NTN1: variants seen among roughly 807,000 people sequenced by gnomAD.
NTN1 encodes netrin-1.
In NTN1, 11 loss-of-function variants were observed where a neutral mutation model predicts 54.2. The ratio of observed to expected loss-of-function variants is 0.20; its 90% confidence interval spans 0.13 to 0.34. The LOEUF (loss-of-function observed/expected upper bound fraction) is 0.34. Ranked by LOEUF, NTN1 falls within the 10% of genes least tolerant of loss-of-function variation. The pLI is 1.00. For synonymous variants in NTN1, 371 were observed against 382.0 expected (o/e 0.97, Z 0.33); for missense variants, 740 against 893.1 (o/e 0.83, Z 2.18).
intron 2 of NTN1, among the ~76,000 whole-genome samples, chr17:9,026,985 A>G (rs963596993): frequency 6.6e-6 from 1 of 152,142 alleles, no homozygotes; most frequent in Non-Finnish European, 1.5e-5. Flanking sequence ...TACCTGCAAC[A>G]TAATGCTTGT....
Position 9,154,110 on chromosome 17 carries a change from A to T in NTN1, c.1019-8703A>T, listed in dbSNP as rs1023735152. 1.5e-4 allele frequency among the ~76,000 whole-genome samples: 23 copies of T among 152,328 alleles called. 1 individual carries two copies. The highest frequency in any genetic ancestry group is 9.7e-4 in the East Asian group (5 of 5,172). ...CTCTGGCTGGTCACTGCTGCATTTT[A>T]TCTGGCTGGCTGATGTCTCCAGTGA... On this transcript the variant is annotated intron_variant, in intron 2 of 6. Transcript: ENST00000173229.
intron 2 of NTN1, among the ~76,000 whole-genome samples, chr17:9,033,528 T>G (rs1411409770): frequency 6.6e-6 from 1 of 152,116 alleles, no homozygotes; most frequent in Non-Finnish European, 1.5e-5. Flanking sequence ...TCCCAGCACT[T>G]TGGGAGGCTG....
intron 2 of NTN1, among the ~76,000 whole-genome samples, chr17:9,035,811 C>T (rs529660876): frequency 1.6e-4 from 24 of 152,252 alleles, no homozygotes; most frequent in African/African-American, 5.1e-4. Context: ...CACTTGAGGT[C>T]AGGAGTTCAA....
chr17:9,046,574 C>G (rs2091942033), intron 2 of NTN1, among the ~76,000 whole-genome samples: 2 of 152,108 alleles, frequency 1.3e-5, no homozygotes. Context: ...ATTGCTTGAG[C>G]CCAGGAGTTC....
At chr17:9,101,277 C>G (rs947345298) in intron 2 of NTN1, among the ~76,000 whole-genome samples, 3 of 152,066 alleles carry the variant, frequency 2.0e-5, no homozygotes, top group African/African-American at 7.2e-5. Flanking sequence ...TTGGGTGGAC[C>G]AAAGCATCCA....
intron 2 of NTN1, among the ~76,000 whole-genome samples, chr17:9,115,221 A>G (rs901099462): frequency 6.6e-6 from 1 of 152,244 alleles, no homozygotes; most frequent in African/African-American, 2.4e-5. Context: ...TGGGTGGGCC[A>G]GACAGCACCT....
chr17:9,163,993 C>T (rs916532400), intron 3 of NTN1, among the ~76,000 whole-genome samples: 2 of 152,234 alleles, frequency 1.3e-5, no homozygotes, highest in Non-Finnish European at 2.9e-5. Context: ...TCCCAAGCCA[C>T]GGCAGACAGG....
intron 5 of NTN1, among the ~76,000 whole-genome samples, chr17:9,202,973 G>A (rs149453717): frequency 0.03 from 4,604 of 152,186 alleles, 97 homozygotes; most frequent in Non-Finnish European, 0.043. Context: ...CCAGGCTAGA[G>A]TGCAGTGGCG....
At chr17:9,056,138 C>T (rs1256069436) in intron 2 of NTN1, among the ~76,000 whole-genome samples, 1 of 152,130 alleles carries the variant, frequency 6.6e-6, no homozygotes, top group Admixed American at 6.5e-5. Context: ...CTCACTGCAA[C>T]CTCCGCCTCC....
chr17:9,210,438 C>A (rs1281164422), intron 5 of NTN1, among the ~76,000 whole-genome samples: 41 of 72,766 alleles, frequency 5.6e-4, no homozygotes, highest in Admixed American at 2.1e-3. Context: ...ACACACACCC[C>A]CACACCCACA....
intron 5 of NTN1, chr17:9,183,395 C>T (rs56113014): frequency 0.19 from 85,645 of 455,678 alleles, 10,068 homozygotes; most frequent in East Asian, 0.43. Flanking sequence ...AGGAGCTGGG[C>T]GTGGGGGAGA....
At chr17:9,087,034 C>T (rs189217198) in intron 2 of NTN1, among the ~76,000 whole-genome samples, 31 of 152,264 alleles carry the variant, frequency 2.0e-4, no homozygotes, top group East Asian at 1.9e-3. Flanking sequence ...TAATTTCCAC[C>T]GTGACCCTAT....
intron 2 of NTN1, among the ~76,000 whole-genome samples, chr17:9,073,681 C>G (rs71371882): frequency 6.6e-6 from 1 of 152,214 alleles, no homozygotes; most frequent in African/African-American, 2.4e-5. Flanking sequence ...AACATTTGCC[C>G]TCTTACAAGG....
chr17:9,007,557 T>G, the NTN1 span, among the ~76,000 whole-genome samples: 1 of 150,452 alleles, frequency 6.6e-6, no homozygotes, highest in East Asian at 2.0e-4. Context: ...TTCCTTTCTT[T>G]TCTTTTATTT....
intron 3 of NTN1, chr17:9,178,902 C>G (rs2092409317): frequency 6.6e-6 from 1 of 152,300 alleles, no homozygotes; most frequent in African/African-American, 2.4e-5. Context: ...GGGACATCCT[C>G]CTGAGGTCCT....
At chr17:9,013,216 C>CTTTTTT in the NTN1 span, among the ~76,000 whole-genome samples, 9 of 118,724 alleles carry the variant, frequency 7.6e-5, no homozygotes, top group Admixed American at 9.1e-5. Context: ...TTTTCTTTTT[C>CTTTTTT]TTTTTTTTTT....
intron 6 of NTN1, among the ~76,000 whole-genome samples, chr17:9,236,129 G>GT (rs149118101): frequency 0.52 from 77,270 of 149,164 alleles, 21,506 homozygotes; most frequent in Non-Finnish European, 0.64. Flanking sequence ...GAATTTGGGG[G>GT]GGGGGGTACT....
intron 5 of NTN1, among the ~76,000 whole-genome samples, chr17:9,220,789 G>T (rs532636845): frequency 6.6e-6 from 1 of 152,088 alleles, no homozygotes; most frequent in Admixed American, 6.6e-5. Context: ...CCCAGGGCGC[G>T]GGGTGACAAT....
intron 5 of NTN1, among the ~76,000 whole-genome samples, chr17:9,202,374 A>G (rs1461167771): frequency 3.3e-5 from 5 of 152,124 alleles, no homozygotes; most frequent in South Asian, 2.1e-4. Context: ...TAGGTTCCAC[A>G]CCCTACAGTG....
Sources: gnomAD v4.1 joint callset for allele counts (sites outside exome capture counted in the v4.1 genomes callset) on GRCh38, gnomAD v4.1.1 for gene constraint, MANE v1.5 for transcripts, NCBI Gene and HGNC (gene_info 2026-07-23, HGNC 2026-07-21) for gene names.